CALN1: variants seen among roughly 807,000 people sequenced by gnomAD.
The protein encoded by CALN1 is calcium-binding protein 8.
A neutral mutation model predicts 30.6 loss-of-function variants in CALN1; 17 were observed. The ratio of observed to expected loss-of-function variants is 0.56; its 90% confidence interval spans 0.38 to 0.83. The LOEUF (loss-of-function observed/expected upper bound fraction) is 0.83. Ranked by LOEUF, CALN1 falls within the 40% of genes least tolerant of loss-of-function variation. The pLI, the probability that CALN1 is intolerant of heterozygous loss-of-function variation, is 0.00. For synonymous variants in CALN1, 156 were observed against 131.4 expected (o/e 1.19, Z -1.28); for missense variants, 291 against 354.9 (o/e 0.82, Z 1.45).
chr7:72,064,449 C>T (rs1239604445), intron 4 of CALN1, among the ~76,000 whole-genome samples: 1 of 152,140 alleles, frequency 6.6e-6, no homozygotes, highest in Non-Finnish European at 1.5e-5. Flanking sequence ...GGCAGGTGCT[C>T]TTTGTCAGCC....
intron 5 of CALN1, among the ~76,000 whole-genome samples, chr7:71,907,234 G>T (rs1584487536): frequency 7.9e-6 from 1 of 125,896 alleles, no homozygotes; most frequent in Admixed American, 7.5e-5. Context: ...CAGAAATGAG[G>T]TTTAAACACA....
At chr7:72,401,479 T>G (rs541848384) in intron 2 of CALN1, among the ~76,000 whole-genome samples, 2 of 152,216 alleles carry the variant, frequency 1.3e-5, no homozygotes, top group East Asian at 3.9e-4. Flanking sequence ...ACATGTTCAG[T>G]GCGTGTGTGC....
chr7:71,851,185 C>A (rs986489787), intron 5 of CALN1, among the ~76,000 whole-genome samples: 2 of 139,752 alleles, frequency 1.4e-5, no homozygotes, highest in African/African-American at 2.7e-5. Context: ...CTAGCCTGGG[C>A]GACAGAGAGA....
At chr7:72,000,184 C>A (rs1181805792) in intron 5 of CALN1, among the ~76,000 whole-genome samples, 2 of 151,346 alleles carry the variant, frequency 1.3e-5, no homozygotes, top group African/African-American at 4.9e-5. Flanking sequence ...AAGCTAAGAG[C>A]AGAAAACAAT....
rs116715769 is a variant in CALN1, at chr7:71,908,958, T to C, written c.502-98466A>G. ...GTCTTATTGAGCACTTCAATGTTTG[T>C]TCATGTTTCATGTCTGGAAATATAA... On this transcript the variant is annotated intron_variant, in intron 5 of 6. Transcript: ENST00000395275. Among the ~76,000 whole-genome samples the C allele has an allele frequency of 1.8e-3, 267 of 152,332 alleles. 1 individual carries two copies. Among genetic ancestry groups the C allele is most frequent in the African/African-American group, 6.1e-3 (254 of 41,588 alleles).
intron 5 of CALN1, among the ~76,000 whole-genome samples, chr7:71,900,605 G>A (rs369114754): frequency 2.0e-5 from 3 of 152,206 alleles, no homozygotes; most frequent in Non-Finnish European, 4.4e-5. Context: ...AGGTGGCTAA[G>A]AGCAACACAA....
At chr7:72,406,622 T>TTTTTC (rs1554402599) in intron 1 of CALN1, among the ~76,000 whole-genome samples, 1,391 of 92,218 alleles carry the variant, frequency 0.015, 19 homozygotes, top group African/African-American at 0.063. Context: ...CAGCTTTTTT[T>TTTTTC]TTTTTCTTTT....
chr7:72,136,241 A>G lies in CALN1; in HGVS notation c.245-29947T>C, dbSNP rs1809505017. ...CACCTTCATCAATTTTCTTAACTGG[A>G]ACTTCTTGATAACTTGCTGCTGCAG... On this transcript the variant is annotated intron_variant, in intron 3 of 6. Transcript: ENST00000395275. 2.0e-5 allele frequency among the ~76,000 whole-genome samples: 3 copies of G among 152,192 alleles called. No homozygotes were observed. In the South Asian group the frequency reaches 6.2e-4, roughly 32 times the overall value.
At chr7:72,327,833 TTA>T (rs1423512558) in intron 2 of CALN1, among the ~76,000 whole-genome samples, 4 of 152,168 alleles carry the variant, frequency 2.6e-5, no homozygotes, top group Non-Finnish European at 5.9e-5. Flanking sequence ...TTCTTCCTAG[TTA>T]TGTGTTCAAA....
At chr7:72,277,282 C>T (rs1797398612) in intron 3 of CALN1, among the ~76,000 whole-genome samples, 1 of 152,212 alleles carries the variant, frequency 6.6e-6, no homozygotes, top group Admixed American at 6.5e-5. Context: ...ACCAAGACAC[C>T]ACCCAAGGGC....
the CALN1 span, among the ~76,000 whole-genome samples, chr7:72,485,928 G>A: frequency 6.6e-6 from 1 of 152,010 alleles, no homozygotes; most frequent in African/African-American, 2.4e-5. Flanking sequence ...GTCATATGTT[G>A]CTTAACAGTG....
At chr7:72,359,971 C>A (rs1290507099) in intron 2 of CALN1, among the ~76,000 whole-genome samples, 2 of 23,126 alleles carry the variant, frequency 8.6e-5, no homozygotes, top group African/African-American at 3.0e-4. Context: ...AGTGAGACTC[C>A]ATCTCAAAAA....
chr7:72,013,561 A>AT (rs1444337632), intron 5 of CALN1, among the ~76,000 whole-genome samples: 2 of 152,086 alleles, frequency 1.3e-5, no homozygotes, highest in African/African-American at 2.4e-5. Flanking sequence ...CTAATTTGAG[A>AT]TTTTGTTAAC....
intron 5 of CALN1, among the ~76,000 whole-genome samples, chr7:71,944,595 A>C (rs961948198): frequency 1.1e-3 from 26 of 23,866 alleles, no homozygotes; most frequent in East Asian, 8.7e-3. Flanking sequence ...ACTCCATCCC[A>C]AAAAAAAAAA....
chr7:71,793,369 G>C (rs1456204377), intron 6 of CALN1, among the ~76,000 whole-genome samples: 1 of 152,152 alleles, frequency 6.6e-6, no homozygotes, highest in African/African-American at 2.4e-5. Flanking sequence ...TAGCAGCTCT[G>C]AAATAGACCT....
chr7:72,190,928 A>G (rs1790550351), intron 3 of CALN1, among the ~76,000 whole-genome samples: 1 of 152,194 alleles, frequency 6.6e-6, no homozygotes, highest in Middle Eastern at 3.4e-3. Flanking sequence ...TCATGTTTAC[A>G]TTTCCTTCAT....
At chr7:72,092,360 AT>A (rs1437707288) in intron 4 of CALN1, among the ~76,000 whole-genome samples, 7 of 152,090 alleles carry the variant, frequency 4.6e-5, no homozygotes, top group African/African-American at 1.7e-4. Context: ...ATACATAGTC[AT>A]GTTTTATTTA....
In CALN1 at chr7:72,050,356, A is replaced by T. The variant is rs182783483; in HGVS notation, c.389-26587T>A. On this transcript the variant is annotated intron_variant, in intron 4 of 6. Coordinates refer to ENST00000395275, the MANE Select transcript of CALN1 (RefSeq NM_031468.4). ...ATACACACAGAAAATAACAGATAAT[A>T]TACAGAATGCTGTAGGAAAAAAAGG... Among the ~76,000 whole-genome samples, 39 of 152,328 alleles carry T rather than the reference A, an allele frequency of 2.6e-4. No individual in the cohort carries two copies. In the East Asian group the frequency reaches 3.7e-3, roughly 14 times the overall value.
intron 5 of CALN1, among the ~76,000 whole-genome samples, chr7:71,953,766 G>C (rs543898036): frequency 2.7e-4 from 41 of 152,146 alleles, no homozygotes; most frequent in African/African-American, 9.9e-4. Flanking sequence ...GACAAGCAGA[G>C]GACCAGTTTC....
Sources: gnomAD v4.1 joint callset for allele counts (sites outside exome capture counted in the v4.1 genomes callset) on GRCh38, gnomAD v4.1.1 for gene constraint, MANE v1.5 for transcripts, NCBI Gene and HGNC (gene_info 2026-07-23, HGNC 2026-07-21) for gene names.